Variants in VPS53 observed in about 807,000 individuals in gnomAD.
The protein encoded by VPS53 is vacuolar protein sorting-associated protein 53 homolog.
A neutral mutation model predicts 107.0 loss-of-function variants in VPS53; 70 were observed. The observed-to-expected ratio is 0.65, with a 90% CI of 0.54 to 0.80. VPS53 has a LOEUF of 0.80. Among genes scored for constraint, VPS53 ranks in the 30% least tolerant of loss-of-function variants. VPS53 has a pLI of 0.00. For missense variants in VPS53, 917 were observed against 1,049.4 expected (o/e 0.87, Z 1.74); for synonymous variants, 409 against 393.3 (o/e 1.04, Z -0.47).
chr17:528,560 A>G (rs1909287373), intron 19 of VPS53, among the ~76,000 whole-genome samples: 2 of 149,460 alleles, frequency 1.3e-5, no homozygotes, highest in South Asian at 4.2e-4. Flanking sequence ...ATATTTGTGT[A>G]CAAGCTTTTG....
intron 4 of VPS53, among the ~76,000 whole-genome samples, chr17:662,838 G>GAAAGAGA (rs1567720053): frequency 2.8e-4 from 10 of 35,702 alleles, no homozygotes; most frequent in East Asian, 9.5e-4. Context: ...AGAAAGAAAG[G>GAAAGAGA]AAGGAAGGAA....
chr17:696,826 CCT>C (rs1202339917), intron 4 of VPS53, among the ~76,000 whole-genome samples: 10 of 149,576 alleles, frequency 6.7e-5, no homozygotes, highest in South Asian at 6.4e-4. Context: ...CAGTCTCACC[CCT>C]GTCGTCCATG....
chr17:623,829 A>C (rs1969572862), intron 10 of VPS53, among the ~76,000 whole-genome samples, 155 bp from the exon 11 acceptor site: 1 of 152,194 alleles, frequency 6.6e-6, no homozygotes, highest in African/African-American at 2.4e-5. Context: ...AAACCTGGGG[A>C]ATAGAAATAC....
intron 1 of VPS53, among the ~76,000 whole-genome samples, chr17:713,158 T>C (rs1973705188): frequency 6.6e-6 from 1 of 151,534 alleles, no homozygotes; most frequent in Non-Finnish European, 1.5e-5. Context: ...GCTACGATTA[T>C]GCCACTGTAC....
intron 11 of VPS53, among the ~76,000 whole-genome samples, chr17:619,534 CTAA>C (rs1482725785): frequency 7.0e-6 from 1 of 143,400 alleles, no homozygotes; most frequent in Non-Finnish European, 1.5e-5. Context: ...CCACACCCCG[CTAA>C]TATTTCCCGG....
Position 586,319 on chromosome 17 carries a change from A to T in VPS53, c.1264T>A (p.Ser422Thr). Reference sequence around the variant, plus strand: ...TAGAGATGAGGCTCAAAACACTTGGAAACAATGCCATGAAATGGATTGTCT... The same window carrying T: ...TAGAGATGAGGCTCAAAACACTTGGTAACAATGCCATGAAATGGATTGTCT... The part of the protein sequence containing the change: ...APDNPFHGIV[S>T]KCFEPHLYVY... Residue 422 changes from serine to threonine, a missense_variant, in exon 13 of 22, where the codon TCC becomes ACC. Transcript: ENST00000437048. 1 of 1,614,148 alleles carries T rather than the reference A, an allele frequency of 6.2e-7. No individual in the cohort carries two copies. The highest frequency in any genetic ancestry group is 8.5e-7 in the Non-Finnish European group (1 of 1,179,972).
chr17:663,882 G>C (rs900366748), intron 4 of VPS53, among the ~76,000 whole-genome samples: 1 of 152,160 alleles, frequency 6.6e-6, no homozygotes, highest in Non-Finnish European at 1.5e-5. Flanking sequence ...GAGAAGTAAG[G>C]GGGAGGAGAT....
Position 520,786 on chromosome 17 carries a change from T to TGCTTCACCCTCACCTACATGAGCTG in VPS53, c.2223+814_2223+815insCAGCTCATGTAGGTGAGGGTGAAGC, listed in dbSNP as rs762513721. On this transcript the variant is annotated intron_variant, in intron 20 of 21. Coordinates refer to ENST00000437048, the MANE Select transcript of VPS53 (RefSeq NM_001128159.3). This position sits in a 1 kb window ranked among gnomAD's most constrained non-coding sequence, Gnocchi z 4.4. ...CAGCTTCACCCTCACCTACATGAGCTCTTCACCCTCACCTACATGAGCTGC... is the reference window on the plus strand; with the variant it reads ...CAGCTTCACCCTCACCTACATGAGCTGCTTCACCCTCACCTACATGAGCTGCTTCACCCTCACCTACATGAGCTGC... Among the ~76,000 whole-genome samples, 15 of 116,148 alleles carry TGCTTCACCCTCACCTACATGAGCTG rather than the reference T, an allele frequency of 1.3e-4. No individual in the cohort carries two copies. The highest frequency in any genetic ancestry group is 8.1e-4 in the Admixed American group (9 of 11,084). 76.2% of individuals were successfully genotyped at this position (116,148 alleles called of 152,430 possible).
chr17:708,635 G>A (rs1973508515), intron 2 of VPS53, among the ~76,000 whole-genome samples: 1 of 152,096 alleles, frequency 6.6e-6, no homozygotes, highest in South Asian at 2.1e-4. Flanking sequence ...GGGAAAGGGA[G>A]ACTCCCTTTC....
In VPS53 at chr17:625,389, G is replaced by A. The variant is rs913342032; in HGVS notation, c.975-1715C>T. ...AAGCAGGAGGGCTGCCTGAGCCCGG[G>A]AGTTCAAGGCTGGGGTACGCTATTA... On this transcript the variant is annotated intron_variant, in intron 10 of 21. Transcript: ENST00000437048. Among the ~76,000 whole-genome samples, 4 of 151,632 alleles carry A rather than the reference G, an allele frequency of 2.6e-5. No individual in the cohort carries two copies. The South Asian group carries it at 8.3e-4, about 32-fold the overall frequency.
intron 11 of VPS53, among the ~76,000 whole-genome samples, chr17:621,408 C>G (rs1488861429): frequency 1.3e-5 from 2 of 152,186 alleles, no homozygotes; most frequent in Non-Finnish European, 2.9e-5. Context: ...GTGCATCTTC[C>G]TCTACATGTA....
intron 2 of VPS53, among the ~76,000 whole-genome samples, chr17:709,127 T>C (rs898058882): frequency 2.6e-5 from 4 of 152,042 alleles, no homozygotes; most frequent in Admixed American, 2.0e-4. Flanking sequence ...AGCCCCTTTA[T>C]TTAAAGGACC....
intron 5 of VPS53, among the ~76,000 whole-genome samples, chr17:660,019 T>C (rs539130181): frequency 1.3e-5 from 2 of 152,308 alleles, no homozygotes; most frequent in East Asian, 3.9e-4. Context: ...GGCCCATGGT[T>C]GATTCGCCTC....
chr17:522,973 A>T (rs901547252), intron 19 of VPS53: 11 of 152,246 alleles, frequency 7.2e-5, no homozygotes, highest in African/African-American at 2.4e-4. Context: ...TTGGACGGGA[A>T]GCTGGAATTC....
intron 4 of VPS53, 38 bp from the exon 5 acceptor site, chr17:661,933 T>C (rs1267464414): frequency 2.0e-6 from 3 of 1,497,236 alleles, no homozygotes; most frequent in Non-Finnish European, 2.7e-6. Context: ...AAAAAGTGGC[T>C]AGAGACAGCT....
At chr17:663,794 G>T (rs941537667) in intron 4 of VPS53, among the ~76,000 whole-genome samples, 4 of 151,160 alleles carry the variant, frequency 2.6e-5, no homozygotes, top group African/African-American at 9.7e-5. Flanking sequence ...TACCAGGCAT[G>T]ATTCTAGGCA....
intron 19 of VPS53, among the ~76,000 whole-genome samples, chr17:528,208 A>G (rs1909264277): frequency 6.6e-6 from 1 of 152,218 alleles, no homozygotes; most frequent in Non-Finnish European, 1.5e-5. Flanking sequence ...GTTTCAGAAC[A>G]CATTATCACC....
At chr17:571,805 G>A (rs370324550) in intron 13 of VPS53, among the ~76,000 whole-genome samples, 13 of 152,216 alleles carry the variant, frequency 8.5e-5, no homozygotes, top group Non-Finnish European at 1.6e-4. Flanking sequence ...TCGGCCTCCC[G>A]AGGTGCCGGG....
At position 610,809 on chromosome 17, in the gene VPS53, G is replaced by A. The variant is rs546258621; in HGVS notation, c.1117-8913C>T. On this transcript the variant is annotated intron_variant, in intron 11 of 21. Transcript: ENST00000437048. ...AAAAATTAGCCTGGCATGGTGCTGCGCTCCTGTGGTCCCAGCTACCCAGGA... is the reference window on the plus strand; with the variant it reads ...AAAAATTAGCCTGGCATGGTGCTGCACTCCTGTGGTCCCAGCTACCCAGGA... 1.1e-3 allele frequency among the ~76,000 whole-genome samples: 159 copies of A among 150,412 alleles called. 2 individuals carry two copies. The highest frequency in any genetic ancestry group is 3.5e-3 in the African/African-American group (144 of 40,940).
Sources: allele counts gnomAD v4.1 joint callset (sites outside exome capture counted in the v4.1 genomes callset), GRCh38; gene constraint gnomAD v4.1.1; non-coding constraint Gnocchi (gnomAD v3.1); transcripts MANE v1.5; gene names NCBI Gene and HGNC (gene_info 2026-07-23, HGNC 2026-07-21).